The following CCDC30 variants were observed in gnomAD, a reference collection of about 807,000 sequenced individuals.
CCDC30 encodes coiled-coil domain-containing protein 30.
In CCDC30, 70 loss-of-function variants were observed where a neutral mutation model predicts 100.2. The ratio of observed to expected loss-of-function variants is 0.70; its 90% CI spans 0.58 to 0.85. The LOEUF (loss-of-function observed/expected upper bound fraction) is 0.85. CCDC30 is among the 40% of genes least tolerant of loss of function. The probability of loss-of-function intolerance (pLI) is 0.00; values close to 1 mark genes in which losing one functional copy is unlikely to be tolerated. For synonymous variants in CCDC30, 233 were observed against 269.5 expected (o/e 0.86, Z 1.33); for missense variants, 652 against 771.2 (o/e 0.85, Z 1.83).
chr1:42,522,884 C>CT (rs1217180493), intron 6 of CCDC30, among the ~76,000 whole-genome samples: 12 of 150,734 alleles, frequency 8.0e-5, no homozygotes, highest in East Asian at 1.9e-4. Flanking sequence ...ACTTTTTTTT[C>CT]TTTTTTTTTG....
intron 11 of CCDC30, among the ~76,000 whole-genome samples, chr1:42,621,405 T>C (rs1159987622): frequency 6.6e-6 from 1 of 152,112 alleles, no homozygotes; most frequent in Non-Finnish European, 1.5e-5. Flanking sequence ...AGCCTTGACC[T>C]CCTGGGCTCA....
intron 1 of CCDC30, among the ~76,000 whole-genome samples, chr1:42,472,793 G>A (rs1054603571): frequency 1.3e-5 from 2 of 152,120 alleles, no homozygotes; most frequent in African/African-American, 4.8e-5. Flanking sequence ...AACAGGAAAA[G>A]TAAAATATAC....
At chr1:42,559,146 C>T (rs750529509) in intron 6 of CCDC30, among the ~76,000 whole-genome samples, 1 of 152,120 alleles carries the variant, frequency 6.6e-6, no homozygotes, top group African/African-American at 2.4e-5. Flanking sequence ...GAAAGAAACA[C>T]TAAATATGGA....
At chr1:42,483,422 G>C (rs539139565) in intron 3 of CCDC30, among the ~76,000 whole-genome samples, 3 of 152,106 alleles carry the variant, frequency 2.0e-5, no homozygotes, top group Non-Finnish European at 4.4e-5. Flanking sequence ...TGAATCAAAG[G>C]GCAGGTTCTA....
chr1:42,622,270 A>G (rs961556791), intron 11 of CCDC30, among the ~76,000 whole-genome samples: 6 of 152,164 alleles, frequency 3.9e-5, no homozygotes, highest in African/African-American at 1.4e-4. Context: ...ACAGGATCTC[A>G]TTCTTTTTTA....
intron 7 of CCDC30, among the ~76,000 whole-genome samples, chr1:42,572,158 C>T (rs1645746571): frequency 6.6e-6 from 1 of 152,232 alleles, no homozygotes. Context: ...CATTGCTCTA[C>T]ATCCTCACCA....
At chr1:42,456,177 A>T in the CCDC30 span, 1 of 639,218 alleles carries the variant, frequency 1.6e-6, no homozygotes. Context: ...GAAGAAAGAA[A>T]GAAAAAGCAG....
At chr1:42,565,613 G>T (rs1645589120) in intron 6 of CCDC30, among the ~76,000 whole-genome samples, 1 of 152,118 alleles carries the variant, frequency 6.6e-6, no homozygotes, top group Admixed American at 6.5e-5. Context: ...AACCAATATG[G>T]AAAACAGTAT....
intron 11 of CCDC30, among the ~76,000 whole-genome samples, chr1:42,635,679 G>T (rs952609213): frequency 6.6e-6 from 1 of 151,906 alleles, no homozygotes; most frequent in Admixed American, 6.6e-5. Flanking sequence ...CGTGGTGGTG[G>T]GTGCCTGTAG....
chr1:42,460,815 CAAATG>C (rs569429104), upstream of CCDC30, among the ~76,000 whole-genome samples: 2 of 152,324 alleles, frequency 1.3e-5, no homozygotes, highest in African/African-American at 4.8e-5. Context: ...TTGTGAGGAT[CAAATG>C]AAATAGCAAA....
At chr1:42,644,873 C>CT (rs1647761852) in intron 14 of CCDC30, 66 bp downstream of exon 18, 6 of 991,922 alleles carry the variant, frequency 6.0e-6, no homozygotes, top group Non-Finnish European at 8.0e-6. Flanking sequence ...GGCTGCTGTG[C>CT]TGTCTCTTGC....
At chr1:42,577,417 TA>T (rs1327846551) in intron 8 of CCDC30, among the ~76,000 whole-genome samples, 188 bp downstream of exon 12, 1 of 152,220 alleles carries the variant, frequency 6.6e-6, no homozygotes, top group East Asian at 1.9e-4. Flanking sequence ...TGTGTATTTG[TA>T]AAAACTTCAT....
intron 12 of CCDC30, among the ~76,000 whole-genome samples, chr1:42,640,792 G>A (rs965791951): frequency 1.3e-5 from 2 of 152,056 alleles, no homozygotes; most frequent in Non-Finnish European, 2.9e-5. Context: ...TACTCAGGAG[G>A]CTGAGGCAGG....
chr1:42,481,870 A>T (rs1485315867), intron 2 of CCDC30, among the ~76,000 whole-genome samples: 1 of 152,202 alleles, frequency 6.6e-6, no homozygotes. Context: ...CAAATTTTTA[A>T]GTGAGTACAG....
At chr1:42,510,873 C>G (rs1338899430) in intron 6 of CCDC30, among the ~76,000 whole-genome samples, 1 of 151,552 alleles carries the variant, frequency 6.6e-6, no homozygotes. Flanking sequence ...GCTATAAGGG[C>G]TGGGTTGATT....
chr1:42,643,626 A>C (rs1331804938), intron 13 of CCDC30, among the ~76,000 whole-genome samples: 2 of 152,172 alleles, frequency 1.3e-5, no homozygotes, highest in African/African-American at 4.8e-5. Flanking sequence ...ACTGGATTGA[A>C]TGTTTTCCTT....
At chr1:42,481,444 G>T (rs1298813360) in intron 2 of CCDC30, among the ~76,000 whole-genome samples, 1 of 151,890 alleles carries the variant, frequency 6.6e-6, no homozygotes, top group Non-Finnish European at 1.5e-5. Context: ...AGGCATCGTG[G>T]TGCACACCTG....
chr1:42,479,340 C>T (rs1197035847), intron 1 of CCDC30, among the ~76,000 whole-genome samples: 1 of 152,092 alleles, frequency 6.6e-6, no homozygotes, highest in South Asian at 2.1e-4. Context: ...TGCACCATTG[C>T]ATTCCAGCCT....
At chr1:42,552,438 T>C (rs1374602462) in intron 6 of CCDC30, among the ~76,000 whole-genome samples, 2 of 152,184 alleles carry the variant, frequency 1.3e-5, no homozygotes, top group African/African-American at 4.8e-5. Flanking sequence ...ATGGCCATTA[T>C]GTATTTACAG....
Sources: allele counts gnomAD v4.1 joint callset (sites outside exome capture counted in the v4.1 genomes callset), GRCh38; gene constraint gnomAD v4.1.1; transcripts MANE v1.5; gene names NCBI Gene and HGNC (gene_info 2026-07-23, HGNC 2026-07-21).